The following ITFG1 variants were observed in gnomAD, a reference collection of about 807,000 sequenced individuals.
The protein encoded by ITFG1 is T-cell immunomodulatory protein.
In ITFG1, 34 loss-of-function variants were observed where a neutral mutation model predicts 81.8. The ratio of observed to expected loss-of-function variants is 0.42; its 90% CI spans 0.32 to 0.55. The LOEUF (loss-of-function observed/expected upper bound fraction) is 0.55. ITFG1 is among the 20% of genes least tolerant of loss of function. The pLI, the probability that ITFG1 is intolerant of heterozygous loss-of-function variation, is 0.17. For synonymous variants in ITFG1, 285 were observed against 270.6 expected (o/e 1.05, Z -0.52); for missense variants, 672 against 755.4 (o/e 0.89, Z 1.29).
At chr16:47,338,243 C>T (rs1407372258) in intron 8 of ITFG1, among the ~76,000 whole-genome samples, 2 of 152,116 alleles carry the variant, frequency 1.3e-5, no homozygotes, top group Non-Finnish European at 2.9e-5. Context: ...AACCCTGTCT[C>T]TAGTAAACAT....
chr16:47,373,930 A>C (rs1340511599), intron 7 of ITFG1, among the ~76,000 whole-genome samples: 1 of 152,214 alleles, frequency 6.6e-6, no homozygotes, highest in Admixed American at 6.5e-5. Flanking sequence ...TGAAAACAAA[A>C]CTTTATCTAT....
Position 47,428,899 on chromosome 16 carries a change from C to G in ITFG1, c.561-1G>C. ...CAATGCTGGATGCCATGATAAATTCCTAAAAAATAAAATAAAAATACTTTT... is the reference window on the plus strand; with the variant it reads ...CAATGCTGGATGCCATGATAAATTCGTAAAAAATAAAATAAAAATACTTTT... On this transcript the variant is annotated splice_acceptor_variant, in intron 5 of 17. Transcript: ENST00000320640. LOFTEE classifies it high-confidence loss of function. 6.5e-7 allele frequency: 1 copy of G among 1,541,270 alleles called. No individual in the cohort carries two copies. Among genetic ancestry groups the G allele is most frequent in the Non-Finnish European group, 8.8e-7 (1 of 1,131,950 alleles).
chr16:47,285,507 C>T (rs1417111218), intron 10 of ITFG1, among the ~76,000 whole-genome samples: 1 of 152,176 alleles, frequency 6.6e-6, no homozygotes, highest in Admixed American at 6.5e-5. Context: ...GCTGGTTGGA[C>T]AGAAATTTCA....
At chr16:47,376,697 C>T (rs1968328793) in intron 6 of ITFG1, among the ~76,000 whole-genome samples, 1 of 152,010 alleles carries the variant, frequency 6.6e-6, no homozygotes, top group African/African-American at 2.4e-5. Flanking sequence ...CTTTGAAAAA[C>T]AAATTACTGG....
intron 5 of ITFG1, among the ~76,000 whole-genome samples, chr16:47,447,769 T>G (rs924945170): frequency 2.6e-5 from 4 of 152,220 alleles, no homozygotes; most frequent in Admixed American, 1.3e-4. Context: ...AGTTTTTCAC[T>G]GTTTCTGCAG....
intron 13 of ITFG1, among the ~76,000 whole-genome samples, chr16:47,236,577 A>G (rs1309388087): frequency 2.0e-5 from 3 of 152,066 alleles, no homozygotes; most frequent in Non-Finnish European, 4.4e-5. Flanking sequence ...GGTTTCAAAT[A>G]TAACTTTTTA....
chr16:47,390,249 A>C (rs920393726), intron 6 of ITFG1, among the ~76,000 whole-genome samples: 6 of 152,216 alleles, frequency 3.9e-5, no homozygotes, highest in Non-Finnish European at 1.5e-5. Context: ...GCATGGGCTG[A>C]CATCACCAGT....
At chr16:47,198,908 A>G (rs555623441) in intron 14 of ITFG1, among the ~76,000 whole-genome samples, 64 of 152,372 alleles carry the variant, frequency 4.2e-4, no homozygotes, top group Non-Finnish European at 7.1e-4. Context: ...AAAAAAATTA[A>G]AAGTTAACAA....
At chr16:47,416,181 G>A (rs1284844535) in intron 6 of ITFG1, among the ~76,000 whole-genome samples, 1 of 151,918 alleles carries the variant, frequency 6.6e-6, no homozygotes, top group African/African-American at 2.4e-5. Flanking sequence ...GAGATTATGA[G>A]CGATGTCCAC....
At chr16:47,441,755 T>C (rs1969253949) in intron 5 of ITFG1, among the ~76,000 whole-genome samples, 2 of 152,028 alleles carry the variant, frequency 1.3e-5, no homozygotes, top group East Asian at 3.9e-4. Flanking sequence ...AAGCATTCCC[T>C]TTGAAAACTG....
Position 47,349,089 on chromosome 16 carries a change from C to T in ITFG1, c.802+16699G>A, listed in dbSNP as rs570978835. ...TAAACATGGAAAGGAACAACCGGTA[C>T]CAGCCACTGCAAAAACATGCCAAAT... On this transcript the variant is annotated intron_variant, in intron 8 of 17. Transcript: ENST00000320640. Among the ~76,000 whole-genome samples, 26 of 152,220 alleles carry T rather than the reference C, an allele frequency of 1.7e-4. 1 individual carries two copies. The highest frequency in any genetic ancestry group is 1.5e-3 in the East Asian group (8 of 5,190).
intron 6 of ITFG1, among the ~76,000 whole-genome samples, chr16:47,383,261 T>C (rs1347785799): frequency 1.3e-5 from 2 of 152,226 alleles, no homozygotes; most frequent in African/African-American, 2.4e-5. Flanking sequence ...CAATAATTGC[T>C]AAGATTTTCT....
chr16:47,254,974 C>A (rs960083433), intron 12 of ITFG1, among the ~76,000 whole-genome samples: 1 of 152,076 alleles, frequency 6.6e-6, no homozygotes, highest in African/African-American at 2.4e-5. Flanking sequence ...GTAATCCCAG[C>A]TACTTTGGAA....
chr16:47,183,262 C>G (rs1282206857), intron 14 of ITFG1, among the ~76,000 whole-genome samples: 1 of 152,232 alleles, frequency 6.6e-6, no homozygotes, highest in Non-Finnish European at 1.5e-5. Context: ...GAAGCTCGAA[C>G]TGGGTGGAGC....
At chr16:47,454,252 A>T in intron 2 of ITFG1, 94 bp from the exon 3 acceptor site, 1 of 1,033,660 alleles carries the variant, frequency 9.7e-7, no homozygotes, top group Non-Finnish European at 1.5e-6. Context: ...TCAATGAAAA[A>T]CTTAAAACTT....
At chr16:47,406,841 A>G (rs1053819302) in intron 6 of ITFG1, among the ~76,000 whole-genome samples, 1 of 152,240 alleles carries the variant, frequency 6.6e-6, no homozygotes, top group Non-Finnish European at 1.5e-5. Context: ...TGAAGAAGGT[A>G]AAGTATATTT....
chr16:47,414,764 T>C (rs1350792096), intron 6 of ITFG1, among the ~76,000 whole-genome samples: 1 of 152,232 alleles, frequency 6.6e-6, no homozygotes, highest in Non-Finnish European at 1.5e-5. Flanking sequence ...CTCTCCTTTA[T>C]ATACTTTTGA....
intron 10 of ITFG1, among the ~76,000 whole-genome samples, chr16:47,297,954 T>C (rs1161366147): frequency 6.6e-6 from 1 of 152,190 alleles, no homozygotes; most frequent in African/African-American, 2.4e-5. Context: ...TCTTCTCTTT[T>C]GGAAATACCA....
chr16:47,382,884 T>A (rs1298388261), intron 6 of ITFG1, among the ~76,000 whole-genome samples: 1 of 152,200 alleles, frequency 6.6e-6, no homozygotes, highest in Admixed American at 6.5e-5. Flanking sequence ...ACTTTTATCA[T>A]AGGAATTTAT....
Sources: allele counts gnomAD v4.1 joint callset (sites outside exome capture counted in the v4.1 genomes callset), GRCh38; gene constraint gnomAD v4.1.1; transcripts MANE v1.5; gene names NCBI Gene and HGNC (gene_info 2026-07-23, HGNC 2026-07-21).